KCTD8: variants seen among roughly 807,000 people sequenced by gnomAD.
The protein encoded by KCTD8 is potassium channel tetramerization domain containing 8.
Under a neutral mutation model 31.5 loss-of-function variants are expected in KCTD8, and 27 were observed. That is an observed-to-expected ratio of 0.86 (90% CI 0.63 to 1.18). The LOEUF (loss-of-function observed/expected upper bound fraction) is 1.18. KCTD8 is among the 50% of genes most tolerant of loss of function. The pLI is 0.00. For missense variants in KCTD8, 658 were observed against 647.7 expected (o/e 1.02, Z -0.17); for synonymous variants, 290 against 280.0 (o/e 1.04, Z -0.36).
At chr4:44,208,639 T>A (rs1714388833) in intron 1 of KCTD8, among the ~76,000 whole-genome samples, 1 of 152,178 alleles carries the variant, frequency 6.6e-6, no homozygotes, top group Non-Finnish European at 1.5e-5. Context: ...GGAGTTGGAA[T>A]AATTGGGCTA....
At chr4:44,324,845 T>C (rs1272982877) in intron 1 of KCTD8, among the ~76,000 whole-genome samples, 2 of 152,020 alleles carry the variant, frequency 1.3e-5, no homozygotes, top group African/African-American at 4.8e-5. Context: ...ACTTCTCTTT[T>C]TAAGAGGAAA....
At chr4:44,398,119 T>C (rs1022674094) in intron 1 of KCTD8, among the ~76,000 whole-genome samples, 1 of 152,098 alleles carries the variant, frequency 6.6e-6, no homozygotes. Flanking sequence ...CACGAGAAAA[T>C]CTTTAAAAAG....
intron 1 of KCTD8, among the ~76,000 whole-genome samples, chr4:44,439,154 A>G (rs1721754469): frequency 6.6e-6 from 1 of 152,206 alleles, no homozygotes; most frequent in African/African-American, 2.4e-5. Context: ...ATTAGAAAGC[A>G]CACCTAATTA....
intron 1 of KCTD8, among the ~76,000 whole-genome samples, chr4:44,223,624 A>G (rs6819521): frequency 0.13 from 19,565 of 152,216 alleles, 1,454 homozygotes; most frequent in East Asian, 0.24. Context: ...TTCCTAGTCT[A>G]GTGGCAGAGT....
chr4:44,227,028 A>T (rs891165606), intron 1 of KCTD8, among the ~76,000 whole-genome samples: 1 of 152,120 alleles, frequency 6.6e-6, no homozygotes, highest in Non-Finnish European at 1.5e-5. Context: ...TGCTGTGCAG[A>T]AGCTCTTTAG....
At chr4:44,401,808 C>T (rs1005121165) in intron 1 of KCTD8, among the ~76,000 whole-genome samples, 1 of 152,176 alleles carries the variant, frequency 6.6e-6, no homozygotes, top group Non-Finnish European at 1.5e-5. Context: ...TATTCTCATT[C>T]CTTAATACTT....
At chr4:44,193,855 G>C (rs1254578287) in intron 1 of KCTD8, among the ~76,000 whole-genome samples, 1 of 152,042 alleles carries the variant, frequency 6.6e-6, no homozygotes, top group Non-Finnish European at 1.5e-5. Context: ...CAATAAAAAG[G>C]CTGTTTTATA....
At chr4:44,270,758 T>C (rs1716572193) in intron 1 of KCTD8, among the ~76,000 whole-genome samples, 2 of 152,120 alleles carry the variant, frequency 1.3e-5, no homozygotes, top group South Asian at 4.1e-4. Context: ...GAAATGTATT[T>C]AGATATACGT....
At chr4:44,345,346 A>C (rs2109420913) in intron 1 of KCTD8, among the ~76,000 whole-genome samples, 1 of 152,266 alleles carries the variant, frequency 6.6e-6, no homozygotes, top group African/African-American at 2.4e-5. Context: ...GTTCTCAAAC[A>C]TGTCCTTGGC....
chr4:44,175,351 CATTT>C (rs899745880), intron 1 of KCTD8, 101 bp from the exon 2 acceptor site: 2 of 720,522 alleles, frequency 2.8e-6, no homozygotes, highest in African/African-American at 3.6e-5. Flanking sequence ...AAACCAAGAA[CATTT>C]ATTTTAACAA....
intron 1 of KCTD8, among the ~76,000 whole-genome samples, chr4:44,305,431 G>A (rs1174139880): frequency 1.3e-5 from 2 of 151,514 alleles, no homozygotes; most frequent in Admixed American, 1.3e-4. Context: ...CCAAGAAGAT[G>A]CAGCTATATT....
chr4:44,174,937 C>G lies in KCTD8; in HGVS notation c.1275G>C (p.Leu425=). The G allele has an allele frequency of 6.2e-7, 1 of 1,614,062 alleles. No homozygotes were observed. The highest frequency in any genetic ancestry group is 8.5e-7 in the Non-Finnish European group (1 of 1,179,978). ...GCTTCTCACAGACTTTCTTTTTGGA[C>G]AGATTTGTTTCCCGGGACTTGCTGA... ...TLISKSRETN[L]SKKKVCEKLS... Residue 425 remains leucine (L), a synonymous_variant, in exon 2 of 2, where the codon CTG becomes CTC. Coordinates refer to ENST00000360029, the MANE Select transcript of KCTD8 (RefSeq NM_198353.3).
At chr4:44,216,904 G>A (rs1714666143) in intron 1 of KCTD8, among the ~76,000 whole-genome samples, 2 of 151,066 alleles carry the variant, frequency 1.3e-5, no homozygotes, top group African/African-American at 2.4e-5. Flanking sequence ...TTTTTTTTTT[G>A]TCAAAGGAGA....
At chr4:44,399,469 C>T (rs1450258778) in intron 1 of KCTD8, among the ~76,000 whole-genome samples, 2 of 152,062 alleles carry the variant, frequency 1.3e-5, no homozygotes, top group Non-Finnish European at 2.9e-5. Flanking sequence ...AGCAAGATCC[C>T]AGAGGCGGAA....
At chr4:44,358,061 C>G (rs564630711) in intron 1 of KCTD8, among the ~76,000 whole-genome samples, 1 of 151,876 alleles carries the variant, frequency 6.6e-6, no homozygotes, top group African/African-American at 2.4e-5. Flanking sequence ...CCCCCACCCC[C>G]CAAAGCCCAG....
chr4:44,375,422 G>A (rs1290744422), intron 1 of KCTD8, among the ~76,000 whole-genome samples: 1 of 152,148 alleles, frequency 6.6e-6, no homozygotes, highest in African/African-American at 2.4e-5. Flanking sequence ...AGGAACAGGA[G>A]TAAAACAACA....
intron 1 of KCTD8, among the ~76,000 whole-genome samples, chr4:44,243,463 T>C (rs184988828): frequency 2.0e-5 from 3 of 152,320 alleles, no homozygotes; most frequent in African/African-American, 4.8e-5. Flanking sequence ...TCTGAGACTA[T>C]ATGCATACAC....
At chr4:44,286,530 T>C (rs866730977) in intron 1 of KCTD8, among the ~76,000 whole-genome samples, 16 of 152,238 alleles carry the variant, frequency 1.1e-4, no homozygotes, top group Middle Eastern at 6.8e-3. Flanking sequence ...TTCTCACTTA[T>C]ACAAATGCAA....
chr4:44,230,972 C>A (rs1715102747), intron 1 of KCTD8, among the ~76,000 whole-genome samples: 1 of 152,066 alleles, frequency 6.6e-6, no homozygotes, highest in South Asian at 2.1e-4. Context: ...CAAGCAAATA[C>A]CCTGAAAAAA....
Sources: gnomAD v4.1 joint callset for allele counts (sites outside exome capture counted in the v4.1 genomes callset) on GRCh38, gnomAD v4.1.1 for gene constraint, MANE v1.5 for transcripts, NCBI Gene and HGNC (gene_info 2026-07-23, HGNC 2026-07-21) for gene names.